Variants in MAPKAPK5 observed in about 807,000 individuals in gnomAD.
The protein encoded by MAPKAPK5 is MAP kinase-activated protein kinase 5.
In MAPKAPK5, 30 loss-of-function variants were observed where a neutral mutation model predicts 65.1. That is an observed-to-expected ratio of 0.46 (90% CI 0.34 to 0.63). The LOEUF is 0.63. MAPKAPK5 is among the 20% of genes least tolerant of loss of function. MAPKAPK5 has a pLI of 0.01. For missense variants in MAPKAPK5, 433 were observed against 581.4 expected, an observed-to-expected ratio of 0.74 and a Z score of 2.63; for synonymous variants, 179 against 204.6, an observed-to-expected ratio of 0.87 and a Z score of 1.07.
At chr12:111,886,070 G>C in intron 10 of MAPKAPK5, 34 bp downstream of exon 10, 1 of 1,613,868 alleles carries the variant, frequency 6.2e-7, no homozygotes, top group Non-Finnish European at 8.5e-7. Flanking sequence ...TGGCTGAAAA[G>C]ACTGTGTTGG....
chr12:111,888,416 C>T (rs1403712278), intron 10 of MAPKAPK5, 72 bp from the exon 11 acceptor site: 1 of 1,571,172 alleles, frequency 6.4e-7, no homozygotes, highest in East Asian at 2.2e-5. Context: ...CTTTTCCTTT[C>T]CACTTTCTTA....
At position 111,895,442 on chromosome 12, in the gene MAPKAPK5, TA is replaced by T. The variant is rs1271004278; in HGVS notation, c.*2382del. The stretch of plus-strand genomic sequence containing the variant: ...TATCTTGGAGAATTTAATTGAAAGA[TA>T]TTTTTTGAGATAAAGTTCACTAATC... On this transcript the variant is annotated 3_prime_UTR_variant, in exon 14 of 14. Coordinates refer to ENST00000550735, the MANE Select transcript of MAPKAPK5 (RefSeq NM_003668.4). 1.3e-5 allele frequency: 2 copies of T among 151,900 alleles called. No homozygotes were observed. Among genetic ancestry groups the T allele is most frequent in the South Asian group, 2.1e-4 (1 of 4,816 alleles). The allele number at this position is 151,900 out of a possible 1,614,324, so 9.4% of individuals were successfully genotyped here.
At chr12:111,890,772 C>G (rs2070576229) in intron 13 of MAPKAPK5, among the ~76,000 whole-genome samples, 1 of 152,182 alleles carries the variant, frequency 6.6e-6, no homozygotes, top group Non-Finnish European at 1.5e-5. Context: ...ATTCTCCTGC[C>G]TCAGCCTCCC....
chr12:111,844,923 T>C (rs2068859072), intron 1 of MAPKAPK5, among the ~76,000 whole-genome samples: 1 of 152,136 alleles, frequency 6.6e-6, no homozygotes, highest in South Asian at 2.1e-4. Context: ...GTGGAGATGA[T>C]GTAGAGCAGC....
chr12:111,854,901 A>G (rs1035356127), intron 1 of MAPKAPK5, among the ~76,000 whole-genome samples: 9 of 152,338 alleles, frequency 5.9e-5, no homozygotes, highest in East Asian at 3.9e-4. Flanking sequence ...ACTGAAACCA[A>G]TGTGCCTAGA....
At chr12:111,847,700 A>G (rs2068949043) in intron 1 of MAPKAPK5, among the ~76,000 whole-genome samples, 1 of 152,224 alleles carries the variant, frequency 6.6e-6, no homozygotes, top group South Asian at 2.1e-4. Context: ...TAGTAAATTT[A>G]TAGAGGCATG....
intron 1 of MAPKAPK5, chr12:111,842,972 A>G: frequency 2.4e-6 from 1 of 419,286 alleles, no homozygotes; most frequent in Non-Finnish European, 4.2e-6. Flanking sequence ...GACTCCCGCC[A>G]GCTTCCCTGG....
intron 1 of MAPKAPK5, among the ~76,000 whole-genome samples, chr12:111,848,832 C>A (rs2068982380): frequency 1.3e-5 from 2 of 150,108 alleles, no homozygotes; most frequent in East Asian, 4.0e-4. Flanking sequence ...GGGGTTCAAG[C>A]GATTCTCCTG....
chr12:111,854,846 A>T (rs1465988773), intron 1 of MAPKAPK5, among the ~76,000 whole-genome samples: 1 of 152,212 alleles, frequency 6.6e-6, no homozygotes, highest in Non-Finnish European at 1.5e-5. Context: ...TCAAAATGTC[A>T]GTGGTGCTGA....
chr12:111,861,907 C>T (rs1192484794), intron 1 of MAPKAPK5, among the ~76,000 whole-genome samples: 2 of 152,148 alleles, frequency 1.3e-5, no homozygotes, highest in Admixed American at 6.5e-5. Flanking sequence ...TTGCTGACCC[C>T]TTGTCTTGGA....
At chr12:111,892,165 G>A (rs2070638035) in intron 13 of MAPKAPK5, among the ~76,000 whole-genome samples, 1 of 152,182 alleles carries the variant, frequency 6.6e-6, no homozygotes. Flanking sequence ...CATTTTCACT[G>A]TATGAATGTG....
At chr12:111,850,710 G>A (rs1301586048) in intron 1 of MAPKAPK5, among the ~76,000 whole-genome samples, 1 of 152,190 alleles carries the variant, frequency 6.6e-6, no homozygotes, top group Non-Finnish European at 1.5e-5. Flanking sequence ...AGGAAGAGCA[G>A]TGAGTGCCAG....
Position 111,871,132 on chromosome 12 carries a change from A to T in MAPKAPK5, c.531A>T (p.Gln177His). 1.2e-6 allele frequency: 2 copies of T among 1,613,804 alleles called. No homozygotes were observed. The highest frequency in any genetic ancestry group is 1.7e-6 in the Non-Finnish European group (2 of 1,179,856). Reference protein sequence around the residue: ...LCDFGFAKIDQGDLMTPQFTP... With the variant: ...LCDFGFAKIDHGDLMTPQFTP... ...ACTTTGGATTTGCCAAGATTGACCA[A>T]GGTGACTTGATGACACCCCAGTTCA... The change falls in exon 7 of 14, where the codon CAA (glutamine) becomes CAT (histidine). Residue 177 changes from glutamine to histidine, a missense_variant. Transcript: ENST00000550735.
chr12:111,878,422 T>TA (rs1433970223), intron 7 of MAPKAPK5, among the ~76,000 whole-genome samples: 2 of 151,672 alleles, frequency 1.3e-5, no homozygotes, highest in Non-Finnish European at 2.9e-5. Flanking sequence ...TTTATTTATT[T>TA]ATTTATTTAT....
Position 111,865,348 on chromosome 12 carries a change from T to C in MAPKAPK5, c.110+25T>C, listed in dbSNP as rs765112534. The C allele has an allele frequency of 9.7e-6, 15 of 1,541,320 alleles. No individual in the cohort carries two copies. The Admixed American group carries it at 2.8e-4, about 29-fold the overall frequency. ...GGTAAGAGATCCATATGAGAAACTA[T>C]GGCAAATTGTTGGCATGTGCAAACT... is the stretch of plus-strand genomic sequence containing the variant. On this transcript the variant is annotated intron_variant, in intron 2 of 13. Transcript: ENST00000550735.
At chr12:111,888,727 A>G in intron 11 of MAPKAPK5, 109 bp downstream of exon 11, 1 of 1,525,182 alleles carries the variant, frequency 6.6e-7, no homozygotes, top group East Asian at 2.3e-5. Context: ...TAGCCTCTGA[A>G]GAGGGTGGAG....
chr12:111,868,836 A>G lies in MAPKAPK5; in HGVS notation c.368A>G (p.Lys123Arg). Residue 123 changes from lysine to arginine, a missense_variant, in exon 5 of 14, where the codon AAG becomes AGG. Physicochemically the swap from Lys to Arg is conservative, Grantham distance 26. This residue lies in a region of MAPKAPK5 where 165 missense variants were observed against 180.0 expected (regional missense o/e 0.92). Transcript: ENST00000550735. Reference protein sequence around the residue: ...RISQHRHFTEKQASQVTKQIA... With the variant: ...RISQHRHFTERQASQVTKQIA... Reference sequence around the variant, plus strand: ...AGCCAGCACCGGCACTTTACAGAGAAGCAAGCCAGCCAAGTAACAAAGCAG... The same window carrying G: ...AGCCAGCACCGGCACTTTACAGAGAGGCAAGCCAGCCAAGTAACAAAGCAG... 1 of 1,562,938 alleles carries G rather than the reference A, an allele frequency of 6.4e-7. No individual in the cohort carries two copies. Among genetic ancestry groups the G allele is most frequent in the Non-Finnish European group, 8.7e-7 (1 of 1,153,588 alleles).
intron 1 of MAPKAPK5, among the ~76,000 whole-genome samples, chr12:111,856,409 C>CTTTTTTTTTTTTTTTTTT (rs1241020966): frequency 7.7e-6 from 1 of 129,740 alleles, no homozygotes. Flanking sequence ...TTTTTTCTTT[C>CTTTTTTTTTTTTTTTTTT]TTTTTTTTTT....
intron 1 of MAPKAPK5, among the ~76,000 whole-genome samples, chr12:111,858,946 CTATT>C (rs1162258842): frequency 6.8e-6 from 1 of 147,562 alleles, no homozygotes; most frequent in Non-Finnish European, 1.5e-5. Context: ...CTGAAAATCT[CTATT>C]TATCATTATT....
Sources: gnomAD v4.1 joint callset for allele counts (sites outside exome capture counted in the v4.1 genomes callset) on GRCh38, gnomAD v4.1.1 for gene constraint, gnomAD v4.1.1 regional missense constraint, MANE v1.5 for transcripts, NCBI Gene and HGNC (gene_info 2026-07-23, HGNC 2026-07-21) for gene names.